Variants in UGGT1 observed in about 807,000 individuals in gnomAD.
The protein encoded by UGGT1 is UDP-glucose glycoprotein glucosyltransferase 1.
UGGT1 carries 107 observed loss-of-function variants against 203.9 expected under a neutral mutation model. That is an observed-to-expected ratio of 0.52 (90% CI 0.45 to 0.62). The LOEUF is 0.62. Among genes scored for constraint, UGGT1 ranks in the 20% least tolerant of loss-of-function variants. The pLI, the probability that UGGT1 is intolerant of heterozygous loss-of-function variation, is 0.00. For synonymous variants in UGGT1, 628 were observed against 653.5 expected (o/e 0.96, Z 0.59); for missense variants, 1,673 against 1,867.2 (o/e 0.90, Z 1.92).
rs529483621 is a variant in UGGT1 at position 128,140,886 on chromosome 2, CT to C, written c.1719+2035del. On this transcript the variant is annotated intron_variant, in intron 16 of 40. Coordinates refer to ENST00000259253, the MANE Select transcript of UGGT1 (RefSeq NM_020120.4). ...AATTTTTGGTAGAGATGATGTCTCA[CT>C]ATGTTTCCCAGGCTGGTCTCGAACT... Among the ~76,000 whole-genome samples, 29 of 152,170 alleles carry C rather than the reference CT, an allele frequency of 1.9e-4. No individual in the cohort carries two copies. In the East Asian group the frequency reaches 5.7e-3, roughly 30 times the overall value.
intron 19 of UGGT1, among the ~76,000 whole-genome samples, chr2:128,153,305 C>G (rs1358942052): frequency 2.0e-5 from 3 of 152,150 alleles, no homozygotes; most frequent in Non-Finnish European, 2.9e-5. Context: ...GAATTTTACT[C>G]TGAGAACTTA....
chr2:128,194,249 C>G lies in UGGT1; in HGVS notation c.*4507C>G, dbSNP rs562621550. 2 of 145,210 alleles carry G rather than the reference C, an allele frequency of 1.4e-5. No homozygotes were observed. The highest frequency in any genetic ancestry group is 3.0e-5 in the Non-Finnish European group (2 of 66,720). 9.0% of individuals were successfully genotyped at this position (145,210 alleles called of 1,614,324 possible). On this transcript the variant is annotated 3_prime_UTR_variant, in exon 41 of 41. Coordinates refer to ENST00000259253, the MANE Select transcript of UGGT1 (RefSeq NM_020120.4). ...CTGGGATTACAGGTGTGCGCCACCA[C>G]ACCCGGCTAATTTTTGCTTTTTTTT... is the stretch of plus-strand genomic sequence containing the variant.
rs183196514 is a variant in UGGT1 at position 128,149,696 on chromosome 2, C to T, written c.2017-3088C>T. Among the ~76,000 whole-genome samples the T allele has an allele frequency of 1.9e-3, 287 of 150,640 alleles. 1 individual carries two copies. Among genetic ancestry groups the T allele is most frequent in the Admixed American group, 3.6e-3 (54 of 15,166 alleles). On this transcript the variant is annotated intron_variant, in intron 18 of 40. Coordinates refer to ENST00000259253, the MANE Select transcript of UGGT1 (RefSeq NM_020120.4). ...GCTGAGGCAGGAGAATCGCTTGAAC[C>T]TGGGAGGCAGAGGTTCCCTCTGGGA...
intron 2 of UGGT1, among the ~76,000 whole-genome samples, chr2:128,100,476 G>T (rs367604304): frequency 2.6e-5 from 4 of 151,814 alleles, no homozygotes; most frequent in Non-Finnish European, 5.9e-5. Flanking sequence ...GCGTGATCTC[G>T]GCTCACCGCA....
At chr2:128,171,600 C>T (rs1267957593) in intron 28 of UGGT1, among the ~76,000 whole-genome samples, 1 of 152,088 alleles carries the variant, frequency 6.6e-6, no homozygotes, top group African/African-American at 2.4e-5. Flanking sequence ...CTCTGCCTCC[C>T]GGGTTCAAGG....
intron 8 of UGGT1, among the ~76,000 whole-genome samples, chr2:128,117,083 TTTTA>T (rs1385248688): frequency 2.0e-5 from 3 of 152,140 alleles, no homozygotes; most frequent in East Asian, 3.9e-4. Context: ...TATTATTATT[TTTTA>T]TTTATTTATT....
intron 16 of UGGT1, among the ~76,000 whole-genome samples, chr2:128,141,488 C>T (rs988894533): frequency 3.3e-5 from 5 of 151,028 alleles, no homozygotes; most frequent in African/African-American, 1.2e-4. Context: ...GCCTGTGGTC[C>T]CAGCTACTCG....
chr2:128,192,261 T>A lies in UGGT1; in HGVS notation c.*2519T>A. 1 of 144,402 alleles carries A rather than the reference T, an allele frequency of 6.9e-6. No individual in the cohort carries two copies. 8.9% of individuals were successfully genotyped at this position (144,402 alleles called of 1,614,324 possible). On this transcript the variant is annotated 3_prime_UTR_variant, in exon 41 of 41. Transcript: ENST00000259253. The stretch of plus-strand genomic sequence containing the variant: ...GAATGGCCTAGGACCCTCCTCCTCC[T>A]GCCAGTTTTTTTTTTTTTTTTTGGT...
In UGGT1 at chr2:128,109,733, A is replaced by G. The variant is rs772240188; in HGVS notation, c.508A>G (p.Thr170Ala). The change falls in exon 5 of 41, where the codon ACA (threonine) becomes GCA (alanine). Residue 170 changes from threonine (T) to alanine (A), a missense_variant. Around this residue, in one of 4 missense-constraint regions of UGGT1, gnomAD observed 1,073 missense variants for 1,078.7 expected, o/e 0.99. Transcript: ENST00000259253. ...TGATACCCTTGAGGCTCTTCTACTG[A>G]CAGCCTCTGAAAGGTAGATTATGTG... Reference protein sequence around the residue: ...ESDTLEALLLTASERPKPLLF... With the variant: ...ESDTLEALLLAASERPKPLLF... 1 of 1,613,482 alleles carries G rather than the reference A, an allele frequency of 6.2e-7. No homozygotes were observed. The highest frequency in any genetic ancestry group is 1.7e-5 in the Admixed American group (1 of 59,990).
chr2:128,094,736 C>CT (rs70988604), intron 1 of UGGT1, among the ~76,000 whole-genome samples: 37 of 84,632 alleles, frequency 4.4e-4, no homozygotes, highest in East Asian at 1.2e-3. Context: ...TAAGAGAATG[C>CT]TTTTTTTTTT....
At chr2:128,149,293 T>C (rs7419329) in intron 18 of UGGT1, among the ~76,000 whole-genome samples, 135,512 of 150,972 alleles carry the variant, frequency 0.9, 61,658 homozygotes, top group Non-Finnish European at 0.98. Flanking sequence ...TTGTCTACCT[T>C]GGCCTCCCAA....
intron 27 of UGGT1, 77 bp downstream of exon 27, chr2:128,170,467 G>T (rs1318707923): frequency 3.0e-6 from 4 of 1,321,378 alleles, no homozygotes; most frequent in Non-Finnish European, 2.2e-6. Flanking sequence ...TGAGAGCTTC[G>T]TTTTCCTTGA....
intron 5 of UGGT1, among the ~76,000 whole-genome samples, chr2:128,112,473 T>TATATATA (rs1553433485): frequency 6.0e-4 from 72 of 120,350 alleles, no homozygotes; most frequent in Non-Finnish European, 9.2e-4. Context: ...TATATATATA[T>TATATATA]TACATACATA....
chr2:128,151,948 C>T (rs868480230), intron 18 of UGGT1, among the ~76,000 whole-genome samples: 2 of 152,194 alleles, frequency 1.3e-5, no homozygotes, highest in African/African-American at 2.4e-5. Flanking sequence ...TAAATCTGCA[C>T]ATTTGCACAG....
Position 128,153,261 on chromosome 2 carries a change from G to A in UGGT1, c.2137+357G>A, listed in dbSNP as rs58160106. ...TCTCTTTCTTCATCCTCATTCTAGA[G>A]TCAGTCAGCCATAATGTCAACAAAT... On this transcript the variant is annotated intron_variant, in intron 19 of 40. Transcript: ENST00000259253. 9.5e-3 allele frequency among the ~76,000 whole-genome samples: 1,447 copies of A among 152,240 alleles called. 23 individuals are homozygous for A. The highest frequency in any genetic ancestry group is 0.032 in the African/African-American group (1,322 of 41,512).
intron 8 of UGGT1, among the ~76,000 whole-genome samples, chr2:128,119,374 G>A (rs991405136): frequency 3.3e-5 from 5 of 151,770 alleles, no homozygotes; most frequent in Non-Finnish European, 5.9e-5. Context: ...GGCGGATCAC[G>A]AGGTCAGGAG....
chr2:128,174,351 T>G (rs1691267223), intron 30 of UGGT1, among the ~76,000 whole-genome samples: 2 of 144,116 alleles, frequency 1.4e-5, no homozygotes, highest in African/African-American at 2.6e-5. Context: ...CAGGCTGGAG[T>G]GCAGTGGTGT....
chr2:128,187,213 TA>T, intron 39 of UGGT1: 1 of 396,474 alleles, frequency 2.5e-6, no homozygotes. Context: ...CTGTGCCTTG[TA>T]ATTTTTCCAA....
intron 38 of UGGT1, 71 bp downstream of exon 38, chr2:128,183,860 A>G: frequency 8.4e-7 from 1 of 1,192,664 alleles, no homozygotes; most frequent in Non-Finnish European, 1.2e-6. Flanking sequence ...ATGAAGTATT[A>G]CTTGTGTCTT....
Sources: allele counts gnomAD v4.1 joint callset (sites outside exome capture counted in the v4.1 genomes callset), GRCh38; gene constraint gnomAD v4.1.1; regional missense constraint gnomAD v4.1.1; transcripts MANE v1.5; gene names NCBI Gene and HGNC (gene_info 2026-07-23, HGNC 2026-07-21).